Variants in NBEAL1 observed in about 807,000 individuals in gnomAD.
NBEAL1 encodes the protein neurobeachin like 1, also known as neurobeachin-like protein 1.
In NBEAL1, 273 loss-of-function variants were observed where a neutral mutation model predicts 351.3. The observed-to-expected ratio is 0.78, with a 90% confidence interval of 0.70 to 0.86. The LOEUF (loss-of-function observed/expected upper bound fraction) is 0.86. NBEAL1 is among the 40% of genes least tolerant of loss of function. The pLI is 0.00. For synonymous variants in NBEAL1, 1,050 were observed against 1,086.4 expected, an observed-to-expected ratio of 0.97 and a Z score of 0.66; for missense variants, 2,961 against 3,201.3, an observed-to-expected ratio of 0.92 and a Z score of 1.81.
chr2:203,147,730 A>G (rs980354458), intron 33 of NBEAL1, among the ~76,000 whole-genome samples: 2 of 152,030 alleles, frequency 1.3e-5, no homozygotes, highest in Non-Finnish European at 2.9e-5. Flanking sequence ...TCCCATTGTT[A>G]GACTCATTTA....
Position 203,126,538 on chromosome 2 carries a change from C to A in NBEAL1, c.2986-19C>A. ...TATTTAAACTGAACTATATGAAACC[C>A]TCTTCTGTTTGGTTTCAGGTGCCAA... On this transcript the variant is annotated intron_variant, in intron 21 of 55. Coordinates refer to ENST00000683969, the MANE Select transcript of NBEAL1 (RefSeq NM_001378026.1). 1 of 1,425,442 alleles carries A rather than the reference C, an allele frequency of 7.0e-7. No individual in the cohort carries two copies. Among genetic ancestry groups the A allele is most frequent in the South Asian group, 1.7e-5 (1 of 59,774 alleles). The allele number at this position is 1,425,442 out of a possible 1,614,324, so 88.3% of individuals were successfully genotyped here.
At chr2:203,075,962 T>C (rs1264197387) in intron 7 of NBEAL1, among the ~76,000 whole-genome samples, 1 of 152,244 alleles carries the variant, frequency 6.6e-6, no homozygotes, top group Non-Finnish European at 1.5e-5. Flanking sequence ...ACCTCAAAGC[T>C]GTTTCTTTTT....
chr2:203,210,497 T>TA (rs2065756730), intron 53 of NBEAL1, among the ~76,000 whole-genome samples: 1 of 151,218 alleles, frequency 6.6e-6, no homozygotes, highest in South Asian at 2.1e-4. Flanking sequence ...CCGTCTCTAC[T>TA]AAAAATGCAA....
chr2:203,078,439 C>G (rs1011616660), intron 8 of NBEAL1, among the ~76,000 whole-genome samples: 2 of 152,164 alleles, frequency 1.3e-5, no homozygotes, highest in African/African-American at 2.4e-5. Flanking sequence ...CTCCCAGGTT[C>G]AAGCAATCCT....
Position 203,221,356 on chromosome 2 carries a change from T to TA in NBEAL1, c.*4003dup, listed in dbSNP as rs1357601230. On this transcript the variant is annotated 3_prime_UTR_variant, in exon 56 of 56. Transcript: ENST00000683969. The stretch of plus-strand genomic sequence containing the variant: ...TGAAAAGATGCAAGTCCTAGGACTA[T>TA]ATTAAATATAAATATTATATTATTA... Among the ~76,000 whole-genome samples the TA allele has an allele frequency of 6.6e-6, 1 of 151,066 alleles. No homozygotes were observed. Among genetic ancestry groups the TA allele is most frequent in the Non-Finnish European group, 1.5e-5 (1 of 67,772 alleles).
At chr2:203,096,696 C>G (rs1443762289) in intron 10 of NBEAL1, among the ~76,000 whole-genome samples, 2 of 152,136 alleles carry the variant, frequency 1.3e-5, no homozygotes, top group African/African-American at 4.8e-5. Context: ...TACTTTTAAA[C>G]TAATGTTTTA....
At chr2:203,139,463 G>C (rs1330824731) in intron 31 of NBEAL1, among the ~76,000 whole-genome samples, 2 of 150,450 alleles carry the variant, frequency 1.3e-5, no homozygotes, top group Non-Finnish European at 2.9e-5. Flanking sequence ...AGGGAGGTTG[G>C]AGTGTGTCTG....
intron 19 of NBEAL1, among the ~76,000 whole-genome samples, 187 bp downstream of exon 19, chr2:203,122,530 G>C (rs1328210381): frequency 6.6e-6 from 1 of 152,170 alleles, no homozygotes; most frequent in Non-Finnish European, 1.5e-5. Flanking sequence ...AATGACTTTG[G>C]TTTGAAGTAT....
rs2062475561 is a variant in NBEAL1 at position 203,108,063 on chromosome 2, T to G, written c.1824T>G (p.Ile608Met). 1 of 1,552,500 alleles carries G rather than the reference T, an allele frequency of 6.4e-7. No individual in the cohort carries two copies. The highest frequency in any genetic ancestry group is 1.2e-5 in the South Asian group (1 of 84,152). The change falls in exon 14 of 56, where the codon ATT (isoleucine) becomes ATG (methionine). Residue 608 changes from isoleucine to methionine, a missense_variant. Transcript: ENST00000683969. ...YFNLSHSMAG[I>M]SVPPIQKWPG... ...ATTTGTCACATAGTATGGCAGGAAT[T>G]TCTGTGCCTCCCATACAGAAATGGC...
chr2:203,063,999 G>A (rs893565084), intron 6 of NBEAL1, among the ~76,000 whole-genome samples: 1 of 152,080 alleles, frequency 6.6e-6, no homozygotes, highest in Admixed American at 6.5e-5. Flanking sequence ...TCATTCATGG[G>A]TGTTAAACCT....
intron 43 of NBEAL1, chr2:203,182,403 T>C (rs1287550645): frequency 1.3e-5 from 2 of 152,180 alleles, no homozygotes; most frequent in East Asian, 3.8e-4. Flanking sequence ...AAACTCTTTC[T>C]CATAAGTTCT....
intron 10 of NBEAL1, among the ~76,000 whole-genome samples, chr2:203,094,513 A>T (rs1240654737): frequency 6.6e-6 from 1 of 152,254 alleles, no homozygotes; most frequent in East Asian, 1.9e-4. Context: ...TTAAAATATC[A>T]TAAACAATTT....
intron 28 of NBEAL1, 53 bp from the exon 29 acceptor site, chr2:203,136,546 C>CATCATATA (rs2063213800): frequency 7.6e-7 from 1 of 1,307,618 alleles, no homozygotes; most frequent in East Asian, 2.3e-5. Context: ...TTATGATGTG[C>CATCATATA]TTTGAACAAC....
intron 8 of NBEAL1, among the ~76,000 whole-genome samples, chr2:203,079,508 A>G (rs2061835364): frequency 6.6e-6 from 1 of 152,186 alleles, no homozygotes; most frequent in Admixed American, 6.6e-5. Context: ...ATCCAAGTTT[A>G]TAAATCTCTA....
At position 203,171,930 on chromosome 2, in the gene NBEAL1, A is replaced by G; in HGVS notation, c.6105A>G (p.Lys2035=). 2 of 1,580,498 alleles carry G rather than the reference A, an allele frequency of 1.3e-6. No homozygotes were observed. ...ELFKASGLTQ[K]WVNREISNFD... ...TTGCTCTTTTTTGTGCTGTCTAGAA[A>G]TGGGTAAACAGAGAGATATCAAATT... is the stretch of plus-strand genomic sequence containing the variant. Residue 2035 remains lysine (K), a splice_region_variant and synonymous_variant, in exon 40 of 56, where the codon AAA becomes AAG. Transcript: ENST00000683969.
At chr2:203,185,401 A>T (rs2064865573) in intron 44 of NBEAL1, among the ~76,000 whole-genome samples, 1 of 152,196 alleles carries the variant, frequency 6.6e-6, no homozygotes, top group African/African-American at 2.4e-5. Flanking sequence ...TAAGGGAGAG[A>T]TAGCATTAGG....
At chr2:203,077,578 G>A (rs898116733) in intron 7 of NBEAL1, among the ~76,000 whole-genome samples, 174 bp from the exon 8 acceptor site, 1 of 152,158 alleles carries the variant, frequency 6.6e-6, no homozygotes, top group Non-Finnish European at 1.5e-5. Flanking sequence ...ATGCTATCTG[G>A]TAGATGGCTT....
chr2:203,100,885 C>T (rs576677084), intron 12 of NBEAL1, among the ~76,000 whole-genome samples: 15 of 152,192 alleles, frequency 9.9e-5, no homozygotes, highest in Non-Finnish European at 1.5e-4. Context: ...TTGTCCTTTG[C>T]GCACTTTTTA....
Position 203,205,681 on chromosome 2 carries a change from TTTCTC to T in NBEAL1, c.7506+2902_7506+2906del, listed in dbSNP as rs551961743. On this transcript the variant is annotated intron_variant, in intron 51 of 55. Coordinates refer to ENST00000683969, the MANE Select transcript of NBEAL1 (RefSeq NM_001378026.1). ...ATCTTATTAGCTAGTACTTTAATGA[TTTCTC>T]TACTCTTAAGTAAGATAGATCTTTT... is the stretch of plus-strand genomic sequence containing the variant. 5.9e-5 allele frequency among the ~76,000 whole-genome samples: 9 copies of T among 152,350 alleles called. No homozygotes were observed. In the South Asian group the frequency reaches 1.9e-3, roughly 32 times the overall value.
Sources: gnomAD v4.1 joint callset for allele counts (sites outside exome capture counted in the v4.1 genomes callset) on GRCh38, gnomAD v4.1.1 for gene constraint, MANE v1.5 for transcripts, NCBI Gene and HGNC (gene_info 2026-07-23, HGNC 2026-07-21) for gene names.